The following WIPI1 variants were observed in gnomAD, a reference collection of about 807,000 sequenced individuals.
WIPI1 encodes the protein WD repeat domain phosphoinositide-interacting protein 1.
WIPI1 carries 45 observed loss-of-function variants against 55.3 expected under a neutral mutation model. That is an observed-to-expected ratio of 0.81 (90% confidence interval 0.64 to 1.04). The LOEUF (loss-of-function observed/expected upper bound fraction) is 1.04. Among genes scored for constraint, WIPI1 ranks in the 50% least tolerant of loss-of-function variants. The probability of loss-of-function intolerance (pLI) is 0.00; values close to 1 mark genes in which losing one functional copy is unlikely to be tolerated. For missense variants in WIPI1, 445 were observed against 559.0 expected (o/e 0.80, Z 2.06); for synonymous variants, 195 against 217.6 (o/e 0.90, Z 0.92).
chr17:68,435,567 G>T, intron 6 of WIPI1, 53 bp downstream of exon 6: 1 of 1,562,728 alleles, frequency 6.4e-7, no homozygotes, highest in Non-Finnish European at 8.8e-7. Context: ...CCTGCGCACG[G>T]CAGGAGCCAT....
intron 12 of WIPI1, among the ~76,000 whole-genome samples, chr17:68,422,948 C>A (rs959974469): frequency 7.9e-5 from 12 of 152,014 alleles, no homozygotes; most frequent in African/African-American, 2.9e-4. Flanking sequence ...GCTCTCAGAG[C>A]AAAAGTAAAT....
intron 9 of WIPI1, among the ~76,000 whole-genome samples, chr17:68,429,179 C>T (rs1331947041): frequency 1.3e-5 from 2 of 151,526 alleles, no homozygotes; most frequent in African/African-American, 2.4e-5. Context: ...GTAGATGCTG[C>T]GACCCTGCGA....
intron 3 of WIPI1, among the ~76,000 whole-genome samples, chr17:68,446,592 G>A (rs2084293923): frequency 6.6e-6 from 1 of 152,180 alleles, no homozygotes; most frequent in Non-Finnish European, 1.5e-5. Context: ...GTTCCTCTGT[G>A]AAATATTCTC....
chr17:68,437,014 A>ATGTGTGTGTG (rs1181984378), intron 4 of WIPI1, among the ~76,000 whole-genome samples: 212 of 82,142 alleles, frequency 2.6e-3, no homozygotes, highest in African/African-American at 8.2e-3. Flanking sequence ...AAATATATAT[A>ATGTGTGTGTG]TATGTGTGTG....
intron 8 of WIPI1, among the ~76,000 whole-genome samples, chr17:68,431,799 G>A (rs2083539286): frequency 1.1e-4 from 1 of 9,196 alleles, no homozygotes; most frequent in Admixed American, 1.3e-3. Flanking sequence ...GAACAGCTTG[G>A]AGGTTCTGCT....
At chr17:68,441,149 AT>A (rs1237548314) in intron 4 of WIPI1, 1 of 152,170 alleles carries the variant, frequency 6.6e-6, no homozygotes, top group African/African-American at 2.4e-5. Context: ...TTTCATGGAG[AT>A]TTCCACCCTT....
In WIPI1 at chr17:68,423,278, G is replaced by T. The variant is rs573651389; in HGVS notation, c.1294-1458C>A. Among the ~76,000 whole-genome samples, 88 of 152,316 alleles carry T rather than the reference G, an allele frequency of 5.8e-4. 1 individual carries two copies. Among genetic ancestry groups the T allele is most frequent in the Non-Finnish European group, 1.9e-4 (13 of 68,030 alleles). On this transcript the variant is annotated intron_variant, in intron 12 of 12. Transcript: ENST00000262139. The surrounding 1 kb of genome is among the most constrained non-coding windows in gnomAD (Gnocchi z 4.4). ...CTAGCATCCCTCGCTGAACATTTCT[G>T]CCAATTCAGGCATGACTGAGATGGG...
chr17:68,436,665 G>A (rs1313497635), intron 4 of WIPI1, among the ~76,000 whole-genome samples, 186 bp from the exon 5 acceptor site: 2 of 152,110 alleles, frequency 1.3e-5, no homozygotes, highest in East Asian at 1.9e-4. Flanking sequence ...AACTTCACAG[G>A]GGAAGACCTC....
At chr17:68,422,077 A>G (rs958059318) in intron 12 of WIPI1, 2 of 465,026 alleles carry the variant, frequency 4.3e-6, no homozygotes, top group Non-Finnish European at 7.8e-6. Flanking sequence ...ATGTATATGT[A>G]TATATTTTTA....
At chr17:68,455,008 A>G (rs771332361) in intron 1 of WIPI1, among the ~76,000 whole-genome samples, 1 of 152,220 alleles carries the variant, frequency 6.6e-6, no homozygotes, top group African/African-American at 2.4e-5. Context: ...ACAAAATTCT[A>G]ATCACCACTC....
At chr17:68,451,959 T>C (rs1166327688) in intron 2 of WIPI1, among the ~76,000 whole-genome samples, 1 of 152,116 alleles carries the variant, frequency 6.6e-6, no homozygotes, top group African/African-American at 2.4e-5. Context: ...GAGCAAAAAA[T>C]TCACAAAAAT....
rs762158869 is a variant in WIPI1 at position 68,427,178 on chromosome 17, C to G, written c.1149G>C (p.Ala383=). The change falls in exon 11 of 13, where the codon GCG becomes GCC. Residue 383 remains alanine, a synonymous_variant. Transcript: ENST00000262139. ...AAGATGCACTTGGTCTGGCTACGGT[C>G]GCTGCATAAGACTGAGGTAAGGAAG... is the stretch of plus-strand genomic sequence containing the variant. ...LRPSLPQSYA[A]TVARPSASSA... is the part of the protein sequence containing the mutation. 101 of 1,613,942 alleles carry G rather than the reference C, an allele frequency of 6.3e-5. No homozygotes were observed. Among genetic ancestry groups the G allele is most frequent in the Non-Finnish European group, 3.6e-5 (42 of 1,180,024 alleles).
intron 7 of WIPI1, among the ~76,000 whole-genome samples, 185 bp from the exon 8 acceptor site, chr17:68,433,760 GTTTTTTTTTTTTTTTTTTTTTTTTTTT>G (rs556777098): frequency 1.4e-5 from 1 of 72,814 alleles, no homozygotes; most frequent in Non-Finnish European, 2.3e-5. Context: ...AAGGGTCATA[GTTTTTTTTTTTTTTTTTTTTTTTTTTT>G]TTTTTTTTTT....
intron 12 of WIPI1, among the ~76,000 whole-genome samples, chr17:68,425,273 A>C (rs2147729611): frequency 6.6e-6 from 1 of 152,136 alleles, no homozygotes; most frequent in East Asian, 1.9e-4. Flanking sequence ...GCACAATCAG[A>C]GCTCACTGCA....
At chr17:68,453,689 G>A (rs563234140) in intron 1 of WIPI1, among the ~76,000 whole-genome samples, 25 of 152,186 alleles carry the variant, frequency 1.6e-4, no homozygotes, top group African/African-American at 5.5e-4. Flanking sequence ...ATGTTGACTA[G>A]GCTGGTCTTG....
intron 4 of WIPI1, among the ~76,000 whole-genome samples, chr17:68,443,022 T>C (rs2084144730): frequency 2.6e-5 from 4 of 152,242 alleles, no homozygotes; most frequent in Admixed American, 2.6e-4. Context: ...CCGTCTTCCA[T>C]TTCAGAAAAT....
At chr17:68,436,184 C>T (rs1228079869) in intron 5 of WIPI1, among the ~76,000 whole-genome samples, 198 bp downstream of exon 5, 3 of 152,214 alleles carry the variant, frequency 2.0e-5, no homozygotes, top group Non-Finnish European at 2.9e-5. Flanking sequence ...CTAACTTGGC[C>T]TGGCCAGCTG....
intron 7 of WIPI1, among the ~76,000 whole-genome samples, chr17:68,434,342 T>C (rs2083680160): frequency 6.6e-6 from 1 of 152,194 alleles, no homozygotes; most frequent in South Asian, 2.1e-4. Context: ...AAAGGGACTC[T>C]CACGGCTGAA....
intron 8 of WIPI1, among the ~76,000 whole-genome samples, chr17:68,431,833 A>G (rs1209660822): frequency 3.4e-4 from 7 of 20,782 alleles, no homozygotes; most frequent in Non-Finnish European, 7.1e-4. Flanking sequence ...GCTCACAGAC[A>G]GAAACGGGAG....
Sources: gnomAD v4.1 joint callset for allele counts (sites outside exome capture counted in the v4.1 genomes callset) on GRCh38, gnomAD v4.1.1 for gene constraint, Gnocchi (gnomAD v3.1) non-coding constraint, MANE v1.5 for transcripts, NCBI Gene and HGNC (gene_info 2026-07-23, HGNC 2026-07-21) for gene names.